CCDC186: variants seen among roughly 807,000 people sequenced by gnomAD.
The protein encoded by CCDC186 is coiled-coil domain containing 186, also known as coiled-coil domain-containing protein 186.
A neutral mutation model predicts 113.7 loss-of-function variants in CCDC186; 49 were observed. The ratio of observed to expected loss-of-function variants is 0.43; its 90% CI spans 0.34 to 0.55. The LOEUF (loss-of-function observed/expected upper bound fraction) is 0.55, where lower values mean the gene tolerates loss of function less well. CCDC186 is among the 20% of genes least tolerant of loss of function. CCDC186 has a pLI of 0.02. For missense variants in CCDC186, 890 were observed against 1,011.1 expected, an observed-to-expected ratio of 0.88 and a Z score of 1.62; for synonymous variants, 355 against 345.8, an observed-to-expected ratio of 1.03 and a Z score of -0.30.
At chr10:114,137,345 A>G in intron 6 of CCDC186, 55 bp from the exon 7 acceptor site, 3 of 1,254,816 alleles carry the variant, frequency 2.4e-6, no homozygotes. Context: ...ATGAATGGTA[A>G]GAAGTGACCG....
rs529631008 is a variant in CCDC186 at position 114,171,019 on chromosome 10, C to T, written c.-62+2996G>A. On this transcript the variant is annotated intron_variant, in intron 1 of 15. Transcript: ENST00000369287. ...TTACACCATATATGTCATATCAGCT[C>T]GGTAATTTTACATGTCTCCTATAAA... Among the ~76,000 whole-genome samples the T allele has an allele frequency of 6.6e-5, 10 of 152,134 alleles. No individual in the cohort carries two copies. In the East Asian group the frequency reaches 1.5e-3, roughly 24 times the overall value.
intron 1 of CCDC186, among the ~76,000 whole-genome samples, chr10:114,172,396 G>A (rs2032518284): frequency 6.6e-6 from 1 of 152,200 alleles, no homozygotes; most frequent in Non-Finnish European, 1.5e-5. Flanking sequence ...CATTAGCTAT[G>A]CTGTCACTGC....
chr10:114,157,316 T>C (rs1055287642), intron 3 of CCDC186, among the ~76,000 whole-genome samples: 17 of 151,456 alleles, frequency 1.1e-4, no homozygotes, highest in African/African-American at 4.1e-4. Context: ...CCTTAGTAGC[T>C]GAGATTACAG....
At chr10:114,169,082 C>T (rs1038350162) in intron 1 of CCDC186, among the ~76,000 whole-genome samples, 2 of 152,072 alleles carry the variant, frequency 1.3e-5, no homozygotes, top group Non-Finnish European at 2.9e-5. Context: ...ATGAATTCTA[C>T]AGTATTTAAT....
chr10:114,124,202 A>G lies in CCDC186; in HGVS notation c.*941T>C, dbSNP rs980326877. 6.6e-6 allele frequency: 1 copy of G among 152,212 alleles called. No homozygotes were observed. The highest frequency in any genetic ancestry group is 2.4e-5 in the African/African-American group (1 of 41,440). The allele number at this position is 152,212 out of a possible 1,614,324, so 9.4% of individuals were successfully genotyped here. ...GAAACATCACATTTGGGGGAACTGT[A>G]TGATCACTCCACTATAATACATAAT... is the stretch of plus-strand genomic sequence containing the variant. On this transcript the variant is annotated 3_prime_UTR_variant, in exon 16 of 16. Coordinates refer to ENST00000369287, the MANE Select transcript of CCDC186 (RefSeq NM_018017.4).
intron 9 of CCDC186, among the ~76,000 whole-genome samples, chr10:114,135,403 T>C (rs1340141120): frequency 2.0e-5 from 3 of 152,232 alleles, no homozygotes; most frequent in African/African-American, 7.2e-5. Context: ...AAAGGACTAC[T>C]TCTAAATAAA....
intron 2 of CCDC186, among the ~76,000 whole-genome samples, chr10:114,159,165 C>T (rs1027120916): frequency 6.6e-6 from 1 of 152,110 alleles, no homozygotes; most frequent in Non-Finnish European, 1.5e-5. Context: ...CAAATATATG[C>T]ATGTTTATTC....
chr10:114,169,347 C>T (rs888905315), intron 1 of CCDC186, among the ~76,000 whole-genome samples: 5 of 150,292 alleles, frequency 3.3e-5, no homozygotes, highest in Admixed American at 6.7e-5. Context: ...TGGGTTCCAG[C>T]GATTCTCCCG....
In CCDC186 at chr10:114,122,256, T is replaced by C. The variant is rs763864649; in HGVS notation, c.*2887A>G. ...GTTTATTAAATAAATAAATAACATG[T>C]TGGTAGCCTGATAAAATTTAATTTC... is the stretch of plus-strand genomic sequence containing the variant. On this transcript the variant is annotated 3_prime_UTR_variant, in exon 16 of 16. Coordinates refer to ENST00000369287, the MANE Select transcript of CCDC186 (RefSeq NM_018017.4). 11 of 152,170 alleles carry C rather than the reference T, an allele frequency of 7.2e-5. No individual in the cohort carries two copies. Among genetic ancestry groups the C allele is most frequent in the Non-Finnish European group, 1.3e-4 (9 of 68,036 alleles). 9.4% of individuals were successfully genotyped at this position (152,170 alleles called of 1,614,324 possible). A position where few individuals can be genotyped will look rare whatever the true frequency, so the allele number is the denominator to read the frequency against.
At chr10:114,133,665 A>T (rs2119706719) in intron 10 of CCDC186, among the ~76,000 whole-genome samples, 1 of 152,328 alleles carries the variant, frequency 6.6e-6, no homozygotes, top group Admixed American at 6.5e-5. Context: ...CAAGAAAGAC[A>T]ACTGAATTCG....
intron 15 of CCDC186, 145 bp from the exon 16 acceptor site, chr10:114,125,371 C>T: frequency 1.7e-6 from 1 of 578,096 alleles, no homozygotes; most frequent in Non-Finnish European, 3.0e-6. Flanking sequence ...ACTAGTGACA[C>T]ACAGCTGTTT....
chr10:114,145,237 T>A (rs891880574), intron 5 of CCDC186, among the ~76,000 whole-genome samples: 2 of 152,190 alleles, frequency 1.3e-5, no homozygotes, highest in East Asian at 3.8e-4. Context: ...CAAAATATAA[T>A]CTTCCCTTGA....
Position 114,125,083 on chromosome 10 carries a change from G to C in CCDC186, c.*60C>G, listed in dbSNP as rs1379932503. On this transcript the variant is annotated 3_prime_UTR_variant, in exon 16 of 16. Transcript: ENST00000369287. ...AAGTGGAACAAAGTCTCCAACAATA[G>C]AGGTCAGTGGCACCTACTCCTGTGT... 18 of 1,198,350 alleles carry C rather than the reference G, an allele frequency of 1.5e-5. No individual in the cohort carries two copies. The highest frequency in any genetic ancestry group is 2.1e-5 in the Non-Finnish European group (18 of 839,766). 74.2% of individuals were successfully genotyped at this position (1,198,350 alleles called of 1,614,324 possible).
At chr10:114,130,034 C>T in intron 12 of CCDC186, 63 bp from the exon 13 acceptor site, 7 of 1,470,788 alleles carry the variant, frequency 4.8e-6, no homozygotes, top group Non-Finnish European at 4.7e-6. Context: ...CCATCTCTGA[C>T]TTTAATTGCT....
At chr10:114,155,383 A>G (rs923027374) in intron 3 of CCDC186, among the ~76,000 whole-genome samples, 2 of 152,228 alleles carry the variant, frequency 1.3e-5, no homozygotes, top group African/African-American at 4.8e-5. Flanking sequence ...CACTTTAAAA[A>G]GTAAAAAGAA....
chr10:114,125,816 G>T, intron 15 of CCDC186, 70 bp downstream of exon 15: 1 of 1,322,522 alleles, frequency 7.6e-7, no homozygotes, highest in Non-Finnish European at 1.1e-6. Flanking sequence ...CTGATTGCTA[G>T]ATCAGACTGT....
chr10:114,142,697 C>G (rs1028255314), intron 6 of CCDC186, among the ~76,000 whole-genome samples: 4 of 152,268 alleles, frequency 2.6e-5, no homozygotes, highest in African/African-American at 9.6e-5. Context: ...GTAATATGCA[C>G]TGGGGGTCTG....
At chr10:114,172,907 T>C (rs564081750) in intron 1 of CCDC186, among the ~76,000 whole-genome samples, 2 of 152,112 alleles carry the variant, frequency 1.3e-5, no homozygotes, top group East Asian at 1.9e-4. Flanking sequence ...TCCCACGAGA[T>C]GAACACTCGG....
intron 4 of CCDC186, among the ~76,000 whole-genome samples, chr10:114,147,986 T>C (rs1439327039): frequency 2.6e-5 from 4 of 151,820 alleles, no homozygotes; most frequent in African/African-American, 9.7e-5. Flanking sequence ...AAAAACAAAA[T>C]TAGCTGGGCA....
Sources: allele counts gnomAD v4.1 joint callset (sites outside exome capture counted in the v4.1 genomes callset), GRCh38; gene constraint gnomAD v4.1.1; transcripts MANE v1.5; gene names NCBI Gene and HGNC (gene_info 2026-07-23, HGNC 2026-07-21).